Variants in MCTP1 observed in about 807,000 individuals in gnomAD.
MCTP1 encodes multiple C2 and transmembrane domain-containing protein 1.
A neutral mutation model predicts 120.6 loss-of-function variants in MCTP1; 69 were observed. The ratio of observed to expected loss-of-function variants is 0.57; its 90% CI spans 0.47 to 0.70. The LOEUF is 0.70. Among genes scored for constraint, MCTP1 ranks in the 30% least tolerant of loss-of-function variants. The pLI, the probability that MCTP1 is intolerant of heterozygous loss-of-function variation, is 0.00. For missense variants in MCTP1, 1,203 were observed against 1,248.8 expected (o/e 0.96, Z 0.55); for synonymous variants, 529 against 493.1 (o/e 1.07, Z -0.96).
rs1333788430 is a variant in MCTP1, at chr5:94,917,958, C to A, written c.1288G>T (p.Ala430Ser). ...CTGCAGAAGCCCAGGACAGGAAGAG[C>A]TGGCCTGCCGCACGTCTGGATGGAA... ...SLFWRTCGRP[A>S]LPVLGFCRAE... Residue 430 changes from alanine (A) to serine (S), a missense_variant, in exon 8 of 23, where the codon GCT (alanine) becomes TCT (serine). Transcript: ENST00000515393. 1 of 1,613,854 alleles carries A rather than the reference C, an allele frequency of 6.2e-7. No homozygotes were observed. Among genetic ancestry groups the A allele is most frequent in the Non-Finnish European group, 8.5e-7 (1 of 1,179,842 alleles).
chr5:95,189,299 G>T (rs946575622), intron 1 of MCTP1, among the ~76,000 whole-genome samples: 13 of 152,122 alleles, frequency 8.5e-5, no homozygotes, highest in Non-Finnish European at 1.6e-4. Context: ...GGAGTGAAGC[G>T]ACTGCAAAAG....
intron 1 of MCTP1, among the ~76,000 whole-genome samples, chr5:95,161,574 C>T (rs2152476275): frequency 6.6e-6 from 1 of 152,050 alleles, no homozygotes; most frequent in East Asian, 1.9e-4. Flanking sequence ...TTCAAAATTG[C>T]TAAAAGAGAT....
At chr5:94,804,676 G>T (rs191079898) in intron 17 of MCTP1, among the ~76,000 whole-genome samples, 37 of 152,260 alleles carry the variant, frequency 2.4e-4, no homozygotes, top group African/African-American at 7.9e-4. Context: ...CTGACCTCGT[G>T]ATCTGCCCGC....
At chr5:94,796,439 G>A (rs573987309) in intron 18 of MCTP1, among the ~76,000 whole-genome samples, 1 of 151,558 alleles carries the variant, frequency 6.6e-6, no homozygotes, top group South Asian at 2.1e-4. Flanking sequence ...GTGTCTCTGG[G>A]ATATCAATAT....
At chr5:94,814,277 G>T (rs1317965433) in intron 17 of MCTP1, among the ~76,000 whole-genome samples, 4 of 152,140 alleles carry the variant, frequency 2.6e-5, no homozygotes, top group Non-Finnish European at 4.4e-5. Flanking sequence ...TTTTGTGGGG[G>T]TAAATTCCAA....
At chr5:94,764,705 C>G (rs1381839896) in intron 19 of MCTP1, among the ~76,000 whole-genome samples, 1 of 151,356 alleles carries the variant, frequency 6.6e-6, no homozygotes, top group Non-Finnish European at 1.5e-5. Flanking sequence ...ATATATGCAC[C>G]TAACACTGTA....
rs537218251 is a variant in MCTP1, at chr5:94,915,608, G to A, written c.1350+2288C>T. ...CAATGTGAAGTAAGTTTCTTTAACAGTGCCATGTCTAAAATAGTGCCTTCC... is the reference window on the plus strand; with the variant it reads ...CAATGTGAAGTAAGTTTCTTTAACAATGCCATGTCTAAAATAGTGCCTTCC... On this transcript the variant is annotated intron_variant, in intron 8 of 22. Transcript: ENST00000515393. Among the ~76,000 whole-genome samples the A allele has an allele frequency of 8.5e-5, 13 of 152,276 alleles. 1 individual carries two copies. The South Asian group carries it at 2.7e-3, about 32-fold the overall frequency.
chr5:95,074,933 T>C (rs1005246478), intron 1 of MCTP1, among the ~76,000 whole-genome samples: 11 of 152,216 alleles, frequency 7.2e-5, no homozygotes, highest in Admixed American at 1.3e-4. Context: ...CAGAGGTACA[T>C]GACAGCAACC....
At chr5:95,224,058 A>C (rs1753985942) in intron 1 of MCTP1, among the ~76,000 whole-genome samples, 1 of 152,236 alleles carries the variant, frequency 6.6e-6, no homozygotes, top group Admixed American at 6.5e-5. Context: ...TACAGTACAA[A>C]TAGGGGAAAC....
At chr5:94,953,850 TATATATATGCATATATATACAA>T (rs70978146) in intron 2 of MCTP1, among the ~76,000 whole-genome samples, 3,581 of 44,884 alleles carry the variant, frequency 0.08, 416 homozygotes, top group Admixed American at 0.093. Context: ...TATACACAAC[TATATATATGCATATATATACAA>T]ATATATATGC....
At chr5:94,811,097 A>G (rs1483740861) in intron 17 of MCTP1, among the ~76,000 whole-genome samples, 1 of 152,188 alleles carries the variant, frequency 6.6e-6, no homozygotes, top group East Asian at 1.9e-4. Flanking sequence ...TTCAAGAGTT[A>G]TGTTTAGCAG....
chr5:95,040,885 A>T (rs1842229753), intron 1 of MCTP1, among the ~76,000 whole-genome samples: 1 of 152,172 alleles, frequency 6.6e-6, no homozygotes, highest in Non-Finnish European at 1.5e-5. Flanking sequence ...GTAGGTAGGT[A>T]GCTGTGGGAG....
chr5:94,789,836 A>G (rs1778515096), intron 18 of MCTP1, among the ~76,000 whole-genome samples: 1 of 152,220 alleles, frequency 6.6e-6, no homozygotes, highest in South Asian at 2.1e-4. Context: ...GTTAGTGCCT[A>G]TAAATATTCA....
rs551507391 is a variant in MCTP1 at position 95,279,311 on chromosome 5, T to C, written c.720+4545A>G. ...AATGAATCTGCTAATCCCATTTTTT[T>C]CCCTCAACATAACATATTCATTCTT... On this transcript the variant is annotated intron_variant, in intron 1 of 22. Transcript: ENST00000515393. 5.3e-4 allele frequency among the ~76,000 whole-genome samples: 81 copies of C among 152,314 alleles called. 1 individual carries two copies. Among genetic ancestry groups the C allele is most frequent in the Middle Eastern group, 3.4e-3 (1 of 294 alleles).
At chr5:95,248,949 G>C (rs780496563) in intron 1 of MCTP1, among the ~76,000 whole-genome samples, 1 of 152,142 alleles carries the variant, frequency 6.6e-6, no homozygotes, top group Non-Finnish European at 1.5e-5. Flanking sequence ...TGGGAAAACT[G>C]GCTAACCATA....
At chr5:94,787,742 G>T (rs1332079521) in intron 18 of MCTP1, among the ~76,000 whole-genome samples, 1 of 151,814 alleles carries the variant, frequency 6.6e-6, no homozygotes, top group African/African-American at 2.4e-5. Context: ...TCAGCCTTCC[G>T]AGTAGCTGGG....
chr5:94,998,354 C>T (rs1833010121), intron 2 of MCTP1, among the ~76,000 whole-genome samples: 1 of 152,142 alleles, frequency 6.6e-6, no homozygotes, highest in Non-Finnish European at 1.5e-5. Flanking sequence ...AATCGAGTAG[C>T]CACAGCAGAG....
intron 3 of MCTP1, among the ~76,000 whole-genome samples, chr5:94,946,299 C>T (rs1818902724): frequency 6.6e-6 from 1 of 152,068 alleles, no homozygotes; most frequent in Non-Finnish European, 1.5e-5. Context: ...CCCAGCATTC[C>T]CAGCAAAGTA....
In MCTP1 at chr5:95,091,967, TA is replaced by T. The variant is rs555367927; in HGVS notation, c.721-74484del. The stretch of plus-strand genomic sequence containing the variant: ...TGAGAAGAAGTTGGTAGAAATTAGT[TA>T]AAGGCTTCAAGAAGCTGTCAGCAAA... On this transcript the variant is annotated intron_variant, in intron 1 of 22. Transcript: ENST00000515393. Among the ~76,000 whole-genome samples, 120 of 152,256 alleles carry T rather than the reference TA, an allele frequency of 7.9e-4. 2 individuals carry two copies. The highest frequency in any genetic ancestry group is 2.8e-3 in the African/African-American group (115 of 41,548).
Sources: gnomAD v4.1 joint callset for allele counts (sites outside exome capture counted in the v4.1 genomes callset) on GRCh38, gnomAD v4.1.1 for gene constraint, MANE v1.5 for transcripts, NCBI Gene and HGNC (gene_info 2026-07-23, HGNC 2026-07-21) for gene names.